ASMTL: variants seen among roughly 807,000 people sequenced by gnomAD.
ASMTL encodes acetylserotonin O-methyltransferase like.
A neutral mutation model predicts 60.3 loss-of-function variants in ASMTL; 57 were observed. The observed-to-expected ratio is 0.95, with a 90% CI of 0.76 to 1.18. The LOEUF is 1.18. ASMTL is among the 50% of genes most tolerant of loss of function. The pLI is 0.00. For missense variants in ASMTL, 981 were observed against 852.6 expected (o/e 1.15, Z -1.88); for synonymous variants, 419 against 373.0 (o/e 1.12, Z -1.42).
At chrX:1,440,141 C>T (rs1415828506) in intron 2 of ASMTL, among the ~76,000 whole-genome samples, 5 of 150,546 alleles carry the variant, frequency 3.3e-5, no homozygotes, top group Non-Finnish European at 5.9e-5. Context: ...GGCTGGAGGG[C>T]AGTGGCGCGA....
chrX:1,432,968 T>TGG (rs2090846804), intron 5 of ASMTL, among the ~76,000 whole-genome samples: 5 of 148,736 alleles, frequency 3.4e-5, no homozygotes, highest in East Asian at 2.0e-4. Context: ...CGTGGTGGCA[T>TGG]GCACCTGTCA....
Position 1,408,022 on chromosome X carries a change from A to C in ASMTL, c.1646-4533T>G, listed in dbSNP as rs774662612. Among the ~76,000 whole-genome samples the C allele has an allele frequency of 1.2e-3, 175 of 151,792 alleles. 1 individual carries two copies. The highest frequency in any genetic ancestry group is 2.2e-3 in the Non-Finnish European group (151 of 67,940). On this transcript the variant is annotated intron_variant, in intron 12 of 12. Transcript: ENST00000381317. ...GAAGGGTAGCCTGGGCAACATCGCAAGATCCCATCTCTACAAAATTTAAAA... is the reference window on the plus strand; with the variant it reads ...GAAGGGTAGCCTGGGCAACATCGCACGATCCCATCTCTACAAAATTTAAAA...
Position 1,418,976 on chromosome X carries a change from ACCCACCT to A in ASMTL, c.1377_1378+5del. On this transcript the variant is annotated splice_donor_variant and splice_donor_5th_base_variant and coding_sequence_variant and intron_variant, in exon 10 of 13. Coordinates refer to ENST00000381317, the MANE Select transcript of ASMTL (RefSeq NM_004192.4). LOFTEE classifies it high-confidence loss of function. ...TAAGGAGAGCCCTGGCGGGGGGGCC[ACCCACCT>A]CCCACGTCGCAGGCGGAGGAGAAGC... 6.2e-7 allele frequency: 1 copy of A among 1,611,782 alleles called. No homozygotes were observed. Among genetic ancestry groups the A allele is most frequent in the Non-Finnish European group, 8.5e-7 (1 of 1,179,806 alleles).
At chrX:1,431,265 A>C (rs1379188033) in intron 6 of ASMTL, among the ~76,000 whole-genome samples, 1 of 127,650 alleles carries the variant, frequency 7.8e-6, no homozygotes, top group Non-Finnish European at 1.6e-5. Context: ...ATATGTAATT[A>C]TATATTTATA....
intron 1 of ASMTL, among the ~76,000 whole-genome samples, chrX:1,446,183 C>A (rs2091227066): frequency 1.3e-5 from 2 of 151,902 alleles, no homozygotes; most frequent in South Asian, 4.2e-4. Flanking sequence ...CTCTCCTTCT[C>A]CTCTCTCTCT....
intron 10 of ASMTL, 30 bp from the exon 11 acceptor site, chrX:1,418,146 C>T (rs2090368005): frequency 3.2e-6 from 5 of 1,567,314 alleles, no homozygotes; most frequent in Non-Finnish European, 4.3e-6. Context: ...TGCTCTGTGG[C>T]TGGGTCGTCT....
chrX:1,433,770 G>A (rs1227781308), intron 5 of ASMTL, among the ~76,000 whole-genome samples: 10 of 151,976 alleles, frequency 6.6e-5, no homozygotes, highest in Admixed American at 2.0e-4. Flanking sequence ...GCTGTGCCAC[G>A]GCGGGCATGG....
chrX:1,412,857 G>A lies in ASMTL; in HGVS notation c.1523-3C>T. ...GAGGGGGTCCCTGAAAAAGTCACCT[G>A]GTTTAAAGACAAAACGAGATACGTC... On this transcript the variant is annotated splice_polypyrimidine_tract_variant and splice_region_variant and intron_variant, in intron 11 of 12. Coordinates refer to ENST00000381317, the MANE Select transcript of ASMTL (RefSeq NM_004192.4). 4 of 1,613,838 alleles carry A rather than the reference G, an allele frequency of 2.5e-6. No individual in the cohort carries two copies. The highest frequency in any genetic ancestry group is 3.4e-6 in the Non-Finnish European group (4 of 1,179,800).
intron 5 of ASMTL, among the ~76,000 whole-genome samples, chrX:1,433,554 C>T (rs1475703932): frequency 2.1e-4 from 31 of 149,558 alleles, no homozygotes; most frequent in Middle Eastern, 3.5e-3. Context: ...TGGTGGCGGG[C>T]CCGTCGTCCC....
At chrX:1,433,794 C>T (rs1182102711) in intron 5 of ASMTL, among the ~76,000 whole-genome samples, 1 of 152,112 alleles carries the variant, frequency 6.6e-6, no homozygotes, top group African/African-American at 2.4e-5. Flanking sequence ...CTCCATACAT[C>T]CTGCACCCAG....
chrX:1,417,740 ATG>A (rs1260996498), intron 11 of ASMTL, among the ~76,000 whole-genome samples: 3 of 71,184 alleles, frequency 4.2e-5, no homozygotes, highest in African/African-American at 7.4e-5. Context: ...ACACACAGAC[ATG>A]CTCACGCACA....
intron 11 of ASMTL, among the ~76,000 whole-genome samples, chrX:1,415,006 T>G (rs1314012932): frequency 3.3e-5 from 5 of 152,048 alleles, no homozygotes; most frequent in African/African-American, 1.2e-4. Context: ...AGTGGCGCGA[T>G]CTCGGCTCAC....
chrX:1,449,700 C>G (rs758135533), intron 1 of ASMTL, among the ~76,000 whole-genome samples: 5 of 147,650 alleles, frequency 3.4e-5, no homozygotes, highest in Non-Finnish European at 7.5e-5. Flanking sequence ...CAGTAACTAC[C>G]CCCCATCACC....
intron 5 of ASMTL, among the ~76,000 whole-genome samples, chrX:1,432,739 G>C (rs1470212560): frequency 1.3e-5 from 2 of 152,266 alleles, no homozygotes; most frequent in African/African-American, 4.8e-5. Flanking sequence ...TGAGGCAGGA[G>C]AATCGCTTGA....
At chrX:1,443,361 GGACACACACCA>G (rs2091158326) in intron 1 of ASMTL, among the ~76,000 whole-genome samples, 1 of 44,840 alleles carries the variant, frequency 2.2e-5, no homozygotes, top group African/African-American at 4.4e-5. Flanking sequence ...CCGCCATCTT[GGACACACACCA>G]CCATCATGGA....
At chrX:1,436,561 C>T (rs1201402457) in intron 3 of ASMTL, among the ~76,000 whole-genome samples, 7 of 152,244 alleles carry the variant, frequency 4.6e-5, no homozygotes, top group African/African-American at 1.4e-4. Context: ...ACCATGTTGG[C>T]CAGGATGGTC....
intron 11 of ASMTL, among the ~76,000 whole-genome samples, chrX:1,414,659 G>C (rs2090166092): frequency 6.6e-6 from 1 of 152,082 alleles, no homozygotes; most frequent in South Asian, 2.1e-4. Flanking sequence ...AGTGAGCTAA[G>C]ATCACGCCAC....
intron 8 of ASMTL, 93 bp downstream of exon 8, chrX:1,425,432 T>C: frequency 7.0e-7 from 1 of 1,432,322 alleles, no homozygotes; most frequent in South Asian, 1.3e-5. Flanking sequence ...GGTGTGGGCC[T>C]CCTTCCTCGC....
chrX:1,414,715 A>C lies in ASMTL; in HGVS notation c.1523-1861T>G, dbSNP rs771673570. Among the ~76,000 whole-genome samples the C allele has an allele frequency of 2.0e-5, 3 of 152,106 alleles. No individual in the cohort carries two copies. In the South Asian group the frequency reaches 6.3e-4, roughly 32 times the overall value. ...AGAGCGAGACACCATTCAAACATAA[A>C]TAAATTTCAGCATTTCTGTCTCTGC... On this transcript the variant is annotated intron_variant, in intron 11 of 12. Transcript: ENST00000381317.
Sources: gnomAD v4.1 joint callset for allele counts (sites outside exome capture counted in the v4.1 genomes callset) on GRCh38, gnomAD v4.1.1 for gene constraint, MANE v1.5 for transcripts, NCBI Gene and HGNC (gene_info 2026-07-23, HGNC 2026-07-21) for gene names.